ZDHHC13: variants seen among roughly 807,000 people sequenced by gnomAD.
ZDHHC13 encodes the protein zDHHC palmitoyltransferase 13.
A neutral mutation model predicts 86.0 loss-of-function variants in ZDHHC13; 85 were observed. That is an observed-to-expected ratio of 0.99 (90% CI 0.83 to 1.18). ZDHHC13 has a LOEUF of 1.18. Ranked by LOEUF, ZDHHC13 falls within the 50% of genes most tolerant of loss-of-function variation. The pLI is 0.00. For synonymous variants in ZDHHC13, 263 were observed against 246.4 expected (o/e 1.07, Z -0.63); for missense variants, 711 against 730.2 (o/e 0.97, Z 0.30).
intron 9 of ZDHHC13, among the ~76,000 whole-genome samples, chr11:19,156,816 T>C (rs1296307103): frequency 1.3e-5 from 2 of 152,228 alleles, no homozygotes. Flanking sequence ...CCCTGGAGTT[T>C]ACCCCCACTT....
intron 14 of ZDHHC13, 176 bp downstream of exon 14, chr11:19,166,561 T>C (rs918847984): frequency 1.3e-4 from 66 of 512,302 alleles, no homozygotes; most frequent in Non-Finnish European, 2.0e-4. Context: ...AAATACAAGA[T>C]GAGGTTAGTT....
rs534754491 is a variant in ZDHHC13 at position 19,118,485 on chromosome 11, T to C, written c.27+1209T>C. ...CATGGAAACAGCGCCTCATTCTTTTTCTCAGAGAGGCTCAAAGAAAAGTTG... is the reference window on the plus strand; with the variant it reads ...CATGGAAACAGCGCCTCATTCTTTTCCTCAGAGAGGCTCAAAGAAAAGTTG... On this transcript the variant is annotated intron_variant, in intron 1 of 16. Transcript: ENST00000446113. 1.2e-3 allele frequency among the ~76,000 whole-genome samples: 187 copies of C among 152,098 alleles called. 1 individual carries two copies. The highest frequency in any genetic ancestry group is 4.4e-3 in the African/African-American group (181 of 41,570).
Position 19,166,311 on chromosome 11 carries a change from A to G in ZDHHC13, c.1400A>G (p.Asn467Ser). Residue 467 changes from asparagine to serine, a missense_variant, in exon 14 of 17, where the codon AAC becomes AGC. Coordinates refer to ENST00000446113, the MANE Select transcript of ZDHHC13 (RefSeq NM_019028.3). ...TTTCTTTTTTCTTGAGGTTTTGGCAACCATCACTATTACATATTCTTCTTG... is the reference window on the plus strand; with the variant it reads ...TTTCTTTTTTCTTGAGGTTTTGGCAGCCATCACTATTACATATTCTTCTTG... The part of the protein sequence containing the change: ...LWTGRCIGFG[N>S]HHYYIFFLFF... 6.2e-7 allele frequency: 1 copy of G among 1,609,318 alleles called. No individual in the cohort carries two copies. Among genetic ancestry groups the G allele is most frequent in the Non-Finnish European group, 8.5e-7 (1 of 1,178,816 alleles).
At chr11:19,127,698 G>C (rs1848907648) in intron 1 of ZDHHC13, among the ~76,000 whole-genome samples, 1 of 152,078 alleles carries the variant, frequency 6.6e-6, no homozygotes, top group African/African-American at 2.4e-5. Flanking sequence ...ACCATTTATT[G>C]AATAAGGAGG....
At chr11:19,150,832 A>G in intron 6 of ZDHHC13, 41 bp downstream of exon 6, 1 of 1,562,460 alleles carries the variant, frequency 6.4e-7, no homozygotes. Flanking sequence ...TCTTGGTTCC[A>G]ACTATTTCTT....
chr11:19,152,391 A>T, intron 7 of ZDHHC13, 71 bp downstream of exon 7: 4 of 1,530,650 alleles, frequency 2.6e-6, no homozygotes, highest in Non-Finnish European at 3.5e-6. Context: ...TAACGTAAAG[A>T]TAAGCTATAT....
chr11:19,152,338 T>G lies in ZDHHC13; in HGVS notation c.747+18T>G, dbSNP rs776616070. ...ATGTTAAGGTATGGCCAGATATTTA[T>G]CTCCCTTAGTTTATTATATCTTGAG... On this transcript the variant is annotated intron_variant, in intron 7 of 16. Transcript: ENST00000446113. The G allele has an allele frequency of 6.2e-7, 1 of 1,610,436 alleles. No homozygotes were observed. The highest frequency in any genetic ancestry group is 1.3e-5 in the African/African-American group (1 of 74,894).
In ZDHHC13 at chr11:19,117,272, C is replaced by A; in HGVS notation, c.23C>A (p.Ser8Ter). Residue 8 changes from serine (S) to a stop codon, truncating the protein, a stop_gained, in exon 1 of 17, where the codon TCG (serine) becomes TAG (stop). Transcript: ENST00000446113. LOFTEE classifies it high-confidence loss of function. This position sits in a 1 kb window ranked among gnomAD's most constrained non-coding sequence, Gnocchi z 4.2. The part of the protein sequence containing the change: MEGPGLG[S>*]QCRNHSHGPH... ...GAGATGGAGGGGCCGGGGCTGGGCTCGCAGGTGAGTGCGGCCGGGCGGTGG... is the reference window on the plus strand; with the variant it reads ...GAGATGGAGGGGCCGGGGCTGGGCTAGCAGGTGAGTGCGGCCGGGCGGTGG... 1 of 1,485,534 alleles carries A rather than the reference C, an allele frequency of 6.7e-7. No individual in the cohort carries two copies. The highest frequency in any genetic ancestry group is 8.9e-7 in the Non-Finnish European group (1 of 1,117,446). 92.0% of individuals were successfully genotyped at this position (1,485,534 alleles called of 1,614,324 possible).
chr11:19,141,654 T>C (rs534084180), intron 1 of ZDHHC13, among the ~76,000 whole-genome samples: 6 of 148,994 alleles, frequency 4.0e-5, no homozygotes, highest in Non-Finnish European at 8.9e-5. Flanking sequence ...GAACGGATAA[T>C]TGATCTTAGA....
At chr11:19,156,118 C>T (rs1849751061) in intron 9 of ZDHHC13, among the ~76,000 whole-genome samples, 189 bp downstream of exon 9, 1 of 152,144 alleles carries the variant, frequency 6.6e-6, no homozygotes, top group Non-Finnish European at 1.5e-5. Flanking sequence ...GCAAGTTGCT[C>T]AACCCAGTAA....
intron 1 of ZDHHC13, among the ~76,000 whole-genome samples, chr11:19,141,282 C>G (rs542033824): frequency 5.9e-5 from 9 of 152,198 alleles, no homozygotes; most frequent in African/African-American, 2.2e-4. Context: ...TAGGGTCACA[C>G]TGTAGAGTCT....
intron 8 of ZDHHC13, among the ~76,000 whole-genome samples, chr11:19,154,112 GT>G (rs1422488235): frequency 6.6e-6 from 1 of 151,982 alleles, no homozygotes; most frequent in Non-Finnish European, 1.5e-5. Context: ...TGTCATCCAG[GT>G]TTTTATATAC....
intron 1 of ZDHHC13, among the ~76,000 whole-genome samples, chr11:19,132,646 C>G (rs1034311624): frequency 6.6e-6 from 1 of 152,156 alleles, no homozygotes; most frequent in African/African-American, 2.4e-5. Flanking sequence ...TCTCAAATTT[C>G]TGTCTCCTCA....
At chr11:19,156,324 T>A (rs1807185248) in intron 9 of ZDHHC13, among the ~76,000 whole-genome samples, 1 of 152,238 alleles carries the variant, frequency 6.6e-6, no homozygotes, top group African/African-American at 2.4e-5. Context: ...TTATTTTTGC[T>A]GTCAGTCATT....
At chr11:19,164,448 G>A (rs1850001181) in intron 12 of ZDHHC13, 85 bp downstream of exon 12, 1 of 1,315,854 alleles carries the variant, frequency 7.6e-7, no homozygotes, top group Non-Finnish European at 1.1e-6. Flanking sequence ...AGATCTTCAT[G>A]GTATATTTAT....
chr11:19,170,319 C>T, intron 14 of ZDHHC13, 92 bp from the exon 15 acceptor site: 1 of 1,463,648 alleles, frequency 6.8e-7, no homozygotes, highest in African/African-American at 1.4e-5. Context: ...TTCTCTTCTC[C>T]CTATATAGAA....
At chr11:19,132,369 C>T (rs1259136530) in intron 1 of ZDHHC13, among the ~76,000 whole-genome samples, 3 of 152,182 alleles carry the variant, frequency 2.0e-5, no homozygotes, top group Non-Finnish European at 4.4e-5. Flanking sequence ...CACTGAATAA[C>T]CCAAGGGATC....
At chr11:19,148,063 A>G (rs1316627556) in intron 4 of ZDHHC13, among the ~76,000 whole-genome samples, 2 of 152,154 alleles carry the variant, frequency 1.3e-5, no homozygotes, top group Non-Finnish European at 2.9e-5. Flanking sequence ...ATATCTCTAT[A>G]TCTTAGGGCC....
In ZDHHC13 at chr11:19,143,125, T is replaced by G; in HGVS notation, c.173+2T>G. 1 of 1,610,042 alleles carries G rather than the reference T, an allele frequency of 6.2e-7. No homozygotes were observed. On this transcript the variant is annotated splice_donor_variant, in intron 2 of 16. Coordinates refer to ENST00000446113, the MANE Select transcript of ZDHHC13 (RefSeq NM_019028.3). LOFTEE classifies it high-confidence loss of function. ...CTGTGACATTGTCAAAGCTACTCAG[T>G]AAGTCTTCCAAATGCTTTGGTTTAT...
Sources: gnomAD v4.1 joint callset for allele counts (sites outside exome capture counted in the v4.1 genomes callset) on GRCh38, gnomAD v4.1.1 for gene constraint, Gnocchi (gnomAD v3.1) non-coding constraint, MANE v1.5 for transcripts, NCBI Gene and HGNC (gene_info 2026-07-23, HGNC 2026-07-21) for gene names.